ABTB3: variants seen among roughly 807,000 people sequenced by gnomAD.
ABTB3 encodes ankyrin repeat and BTB domain containing 3.
chr12:107,477,510 C>T, the ABTB3 span, among the ~76,000 whole-genome samples: 1 of 152,152 alleles, frequency 6.6e-6, no homozygotes, highest in Non-Finnish European at 1.5e-5. Flanking sequence ...CCATAAAGTT[C>T]ATCCTTGTGT....
chr12:107,341,628 T>C, the ABTB3 span, among the ~76,000 whole-genome samples: 1,440 of 152,250 alleles, frequency 9.5e-3, 26 homozygotes, highest in African/African-American at 0.033. Context: ...TCAGCATCAG[T>C]GGATGCTACT....
At chr12:107,382,253 T>A in the ABTB3 span, among the ~76,000 whole-genome samples, 1 of 152,072 alleles carries the variant, frequency 6.6e-6, no homozygotes, top group Non-Finnish European at 1.5e-5. Flanking sequence ...CAAGGATAAG[T>A]GTGTTTGCCA....
chr12:107,593,320 T>G, the ABTB3 span, among the ~76,000 whole-genome samples: 2 of 152,188 alleles, frequency 1.3e-5, no homozygotes, highest in African/African-American at 4.8e-5. Context: ...TATCTGGCCC[T>G]TTGCAGAAAA....
the ABTB3 span, chr12:107,649,199 C>A: frequency 1.2e-6 from 2 of 1,610,688 alleles, no homozygotes; most frequent in South Asian, 2.2e-5. Flanking sequence ...TCTGTGTTTT[C>A]TTCCAGCTGG....
chr12:107,351,686 G>T, the ABTB3 span, among the ~76,000 whole-genome samples: 68 of 152,208 alleles, frequency 4.5e-4, no homozygotes, highest in African/African-American at 1.5e-3. Flanking sequence ...GCAGCAAGAG[G>T]GCCCTCACCA....
the ABTB3 span, among the ~76,000 whole-genome samples, chr12:107,420,863 G>A: frequency 1.3e-5 from 2 of 152,150 alleles, no homozygotes; most frequent in Non-Finnish European, 2.9e-5. Flanking sequence ...CCATCCCACT[G>A]CTTCCTTCTG....
chr12:107,486,238 T>G, the ABTB3 span, among the ~76,000 whole-genome samples: 1 of 152,294 alleles, frequency 6.6e-6, no homozygotes, highest in Non-Finnish European at 1.5e-5. Flanking sequence ...CCATTAATCT[T>G]GAGGGACATG....
chr12:107,541,294 G>T, the ABTB3 span, among the ~76,000 whole-genome samples: 1 of 152,228 alleles, frequency 6.6e-6, no homozygotes, highest in Admixed American at 6.5e-5. Context: ...CAGCAGGATG[G>T]TGGAGAAGGG....
chr12:107,319,069 G>A, the ABTB3 span: 31 of 1,613,184 alleles, frequency 1.9e-5, no homozygotes, highest in Non-Finnish European at 2.5e-5. Flanking sequence ...ACTCGCACCC[G>A]GCGTCCCCGT....
the ABTB3 span, among the ~76,000 whole-genome samples, chr12:107,405,263 A>G: frequency 2.7e-4 from 41 of 152,326 alleles, no homozygotes; most frequent in African/African-American, 7.0e-4. Context: ...CTGCACAACC[A>G]AAACGGTGGC....
At chr12:107,320,102 C>T in the ABTB3 span, 3 of 1,406,086 alleles carry the variant, frequency 2.1e-6, no homozygotes, top group Non-Finnish European at 9.4e-7. Flanking sequence ...GTGCCACTCC[C>T]TCTCACCTAA....
the ABTB3 span, among the ~76,000 whole-genome samples, chr12:107,333,445 T>C: frequency 4.6e-5 from 7 of 152,128 alleles, no homozygotes; most frequent in African/African-American, 1.7e-4. Flanking sequence ...GAGACAGCAC[T>C]TGAGGGTTTA....
the ABTB3 span, among the ~76,000 whole-genome samples, chr12:107,554,979 G>A: frequency 6.6e-6 from 1 of 152,140 alleles, no homozygotes; most frequent in African/African-American, 2.4e-5. Context: ...GCCTTGCAGG[G>A]CCTCGACTCC....
chr12:107,462,633 G>A, the ABTB3 span, among the ~76,000 whole-genome samples: 1 of 151,834 alleles, frequency 6.6e-6, no homozygotes, highest in Non-Finnish European at 1.5e-5. Context: ...GATGATGGTG[G>A]TAATGATCAT....
the ABTB3 span, among the ~76,000 whole-genome samples, chr12:107,392,075 G>A: frequency 3.3e-5 from 5 of 152,284 alleles, no homozygotes; most frequent in East Asian, 9.7e-4. Flanking sequence ...CAATACCAAC[G>A]CTGTGGGCTG....
the ABTB3 span, among the ~76,000 whole-genome samples, chr12:107,389,535 A>G: frequency 6.6e-6 from 1 of 152,140 alleles, no homozygotes; most frequent in Non-Finnish European, 1.5e-5. Flanking sequence ...TGGGCAGCTC[A>G]ATTTCTGGAT....
chr12:107,349,857 G>A, the ABTB3 span, among the ~76,000 whole-genome samples: 1 of 152,182 alleles, frequency 6.6e-6, no homozygotes, highest in South Asian at 2.1e-4. Context: ...AAACACTGAA[G>A]GGCAATTTGA....
At chr12:107,649,223 C>A in the ABTB3 span, 1 of 1,613,332 alleles carries the variant, frequency 6.2e-7, no homozygotes, top group Non-Finnish European at 8.5e-7. Flanking sequence ...TGCAGTATCT[C>A]TACTATGGTG....
chr12:107,442,559 T>C, the ABTB3 span, among the ~76,000 whole-genome samples: 1 of 152,238 alleles, frequency 6.6e-6, no homozygotes, highest in Admixed American at 6.5e-5. Flanking sequence ...GAGATGTAAG[T>C]AAAGAGGCTT....
Sources: gnomAD v4.1 joint callset for allele counts (sites outside exome capture counted in the v4.1 genomes callset) on GRCh38, gnomAD v4.1.1 for gene constraint, MANE v1.5 for transcripts, NCBI Gene and HGNC (gene_info 2026-07-23, HGNC 2026-07-21) for gene names.